Variants in EARS2 observed in about 807,000 individuals in gnomAD.
EARS2 encodes nondiscriminating glutamyl-tRNA synthetase EARS2, mitochondrial.
A neutral mutation model predicts 54.1 loss-of-function variants in EARS2; 50 were observed. That is an observed-to-expected ratio of 0.92 (90% CI 0.74 to 1.17). The LOEUF (loss-of-function observed/expected upper bound fraction) is 1.17, where lower values mean the gene tolerates loss of function less well. Among genes scored for constraint, EARS2 ranks in the 50% most tolerant of loss-of-function variants. EARS2 has a pLI of 0.00. For missense variants in EARS2, 673 were observed against 675.0 expected (o/e 1.00, Z 0.03); for synonymous variants, 298 against 281.0 (o/e 1.06, Z -0.61).
Position 23,557,298 on chromosome 16 carries a change from C to A in EARS2, c.46G>T (p.Ala16Ser). The A allele has an allele frequency of 6.6e-7, 1 of 1,516,714 alleles. No individual in the cohort carries two copies. Among genetic ancestry groups the A allele is most frequent in the Non-Finnish European group, 8.7e-7 (1 of 1,143,604 alleles). The allele number at this position is 1,516,714 out of a possible 1,614,324, so 94.0% of individuals were successfully genotyped here. A position where few individuals can be genotyped will look rare whatever the true frequency, so the allele number is the denominator to read the frequency against. Residue 16 changes from alanine (A) to serine (S), a missense_variant, in exon 1 of 9, where the codon GCG becomes TCG. Physicochemically the swap from Ala to Ser is moderately conservative, Grantham distance 99 (BLOSUM62 1). Around this residue, in one of 3 missense-constraint regions of EARS2, gnomAD observed 316 missense variants for 275.2 expected, o/e 1.15. Transcript: ENST00000449606. ...RRLLQRERPSAASGRPVGRRE... is the reference protein window; with the variant it reads ...RRLLQRERPSSASGRPVGRRE... Reference sequence around the variant, plus strand: ...CGTCCTACGGGGCGGCCAGAGGCCGCCGAAGGCCTCTCGCGCTGCAGCAGT... The same window carrying A: ...CGTCCTACGGGGCGGCCAGAGGCCGACGAAGGCCTCTCGCGCTGCAGCAGT...
At chr16:23,553,871 G>A (rs1347026629) in intron 1 of EARS2, among the ~76,000 whole-genome samples, 2 of 151,284 alleles carry the variant, frequency 1.3e-5, no homozygotes, top group Non-Finnish European at 2.9e-5. Context: ...ACTCCAGCCT[G>A]GGCGACAGGG....
intron 8 of EARS2, chr16:23,524,936 T>A: frequency 1.8e-6 from 1 of 560,452 alleles, no homozygotes. Context: ...TGAGCCACCG[T>A]GCCTGGCCTG....
chr16:23,539,055 G>A (rs1346300912), intron 3 of EARS2, among the ~76,000 whole-genome samples: 1 of 135,658 alleles, frequency 7.4e-6, no homozygotes, highest in African/African-American at 2.8e-5. Context: ...TCAGCTCACT[G>A]CAACCTCCAT....
chr16:23,555,059 G>A (rs1220376936), intron 1 of EARS2, among the ~76,000 whole-genome samples: 3 of 152,236 alleles, frequency 2.0e-5, no homozygotes, highest in Non-Finnish European at 1.5e-5. Context: ...TAGAGGCTGT[G>A]TATTAAGTGC....
At position 23,520,804 on chromosome 16, in the gene EARS2, G is replaced by T. The variant is rs1315758206; in HGVS notation, c.*3567C>A. Among the ~76,000 whole-genome samples the T allele has an allele frequency of 6.6e-6, 1 of 151,918 alleles. No homozygotes were observed. Among genetic ancestry groups the T allele is most frequent in the Non-Finnish European group, 1.5e-5 (1 of 68,020 alleles). On this transcript the variant is annotated 3_prime_UTR_variant, in exon 9 of 9. Transcript: ENST00000449606. ...AATTTCGCTTTTTTATTAATTTCTTGTTGAGACAGAGTGTCGCTCTGTTCC... is the reference window on the plus strand; with the variant it reads ...AATTTCGCTTTTTTATTAATTTCTTTTTGAGACAGAGTGTCGCTCTGTTCC...
chr16:23,522,761 G>T lies in EARS2; in HGVS notation c.*1610C>A, dbSNP rs1448342813. ...AAACGTTTACTATCTCACAGTTCAT[G>T]TGTGTCTGACGTTCCGGAGCAGCTT... On this transcript the variant is annotated 3_prime_UTR_variant, in exon 9 of 9. Coordinates refer to ENST00000449606, the MANE Select transcript of EARS2 (RefSeq NM_001083614.2). 6.6e-6 allele frequency: 1 copy of T among 152,154 alleles called. No individual in the cohort carries two copies. The highest frequency in any genetic ancestry group is 1.5e-5 in the Non-Finnish European group (1 of 68,042). The allele number at this position is 152,154 out of a possible 1,614,324, so 9.4% of individuals were successfully genotyped here.
chr16:23,522,692 T>C lies in EARS2; in HGVS notation c.*1679A>G, dbSNP rs1282311562. On this transcript the variant is annotated 3_prime_UTR_variant, in exon 9 of 9. Transcript: ENST00000449606. ...TGGACAAAATAAATATATTGTCTACTGCTGAAACGCAAATTATCCCCAAAC... is the reference window on the plus strand; with the variant it reads ...TGGACAAAATAAATATATTGTCTACCGCTGAAACGCAAATTATCCCCAAAC... 6.6e-6 allele frequency: 1 copy of C among 152,258 alleles called. No homozygotes were observed. Among genetic ancestry groups the C allele is most frequent in the East Asian group, 1.9e-4 (1 of 5,200 alleles). 9.4% of individuals were successfully genotyped at this position (152,258 alleles called of 1,614,324 possible). A position where few individuals can be genotyped will look rare whatever the true frequency, so the allele number is the denominator to read the frequency against.
At position 23,534,873 on chromosome 16, in the gene EARS2, C is replaced by A; in HGVS notation, c.958+15G>T. 1 of 1,552,410 alleles carries A rather than the reference C, an allele frequency of 6.4e-7. No homozygotes were observed. The highest frequency in any genetic ancestry group is 1.2e-5 in the South Asian group (1 of 80,508). ...CATGCTCTCTGCTGCCAGGACTATTCAGGTGGGCACGTACCTGCAAAACCT... is the reference window on the plus strand; with the variant it reads ...CATGCTCTCTGCTGCCAGGACTATTAAGGTGGGCACGTACCTGCAAAACCT... On this transcript the variant is annotated intron_variant, in intron 4 of 8. Coordinates refer to ENST00000449606, the MANE Select transcript of EARS2 (RefSeq NM_001083614.2).
At chr16:23,553,896 CAAA>C (rs546658609) in intron 1 of EARS2, among the ~76,000 whole-genome samples, 2 of 110,272 alleles carry the variant, frequency 1.8e-5, no homozygotes, top group East Asian at 2.5e-4. Flanking sequence ...ACTCCATCTC[CAAA>C]AAAAAAAAAA....
At position 23,544,805 on chromosome 16, in the gene EARS2, C is replaced by T. The variant is rs144985802; in HGVS notation, c.296-102G>A. 244 of 1,105,382 alleles carry T rather than the reference C, an allele frequency of 2.2e-4. No individual in the cohort carries two copies. The African/African-American group carries it at 2.6e-3, about 12-fold the overall frequency. The allele number at this position is 1,105,382 out of a possible 1,614,324, so 68.5% of individuals were successfully genotyped here. A position where few individuals can be genotyped will look rare whatever the true frequency, so the allele number is the denominator to read the frequency against. ...CATATTAAAGCTTTAATCCTCATAA[C>T]AATCCATGAGGTTGGCATTAGTACA... is the stretch of plus-strand genomic sequence containing the variant. On this transcript the variant is annotated intron_variant, in intron 2 of 8. Transcript: ENST00000449606.
intron 6 of EARS2, 54 bp from the exon 7 acceptor site, chr16:23,529,686 G>A (rs1965290864): frequency 1.2e-6 from 2 of 1,612,732 alleles, no homozygotes; most frequent in Non-Finnish European, 1.7e-6. Context: ...TGGAAGGCAG[G>A]AGGAATTGAG....
intron 7 of EARS2, among the ~76,000 whole-genome samples, chr16:23,526,970 A>AT (rs562446067): frequency 7.2e-5 from 10 of 138,850 alleles, no homozygotes; most frequent in East Asian, 2.1e-4. Context: ...ATAATTAATT[A>AT]TTTTTTTTTT....
chr16:23,531,580 CCTCT>C (rs1192519820), intron 5 of EARS2, among the ~76,000 whole-genome samples: 1 of 152,132 alleles, frequency 6.6e-6, no homozygotes, highest in East Asian at 1.9e-4. Flanking sequence ...AGTTTCTTAA[CCTCT>C]CTATGTCCTG....
At chr16:23,524,809 T>C (rs1180389011) in intron 8 of EARS2, among the ~76,000 whole-genome samples, 1 of 152,024 alleles carries the variant, frequency 6.6e-6, no homozygotes, top group African/African-American at 2.4e-5. Flanking sequence ...CACCCCCAGC[T>C]AATTTTTGTA....
At chr16:23,546,810 C>A (rs991496451) in intron 2 of EARS2, among the ~76,000 whole-genome samples, 1 of 152,224 alleles carries the variant, frequency 6.6e-6, no homozygotes, top group Non-Finnish European at 1.5e-5. Context: ...CCTCTTGCCT[C>A]GGCTTCCCAG....
At chr16:23,535,639 T>C (rs1053767070) in intron 3 of EARS2, among the ~76,000 whole-genome samples, 3 of 152,210 alleles carry the variant, frequency 2.0e-5, no homozygotes, top group African/African-American at 4.8e-5. Context: ...CTGATTGGTA[T>C]AGCCAATCTT....
At chr16:23,529,373 G>A in intron 7 of EARS2, 129 bp downstream of exon 7, 1 of 1,240,418 alleles carries the variant, frequency 8.1e-7, no homozygotes, top group Non-Finnish European at 1.1e-6. Flanking sequence ...AGCCAGTGAA[G>A]GGTCACTTCT....
At position 23,529,734 on chromosome 16, in the gene EARS2, G is replaced by A; in HGVS notation, c.1221+10C>T. The A allele has an allele frequency of 6.2e-7, 1 of 1,614,024 alleles. No homozygotes were observed. The highest frequency in any genetic ancestry group is 8.5e-7 in the Non-Finnish European group (1 of 1,179,938). ...CCCTCCCTCAGCTTCCCAGAATCCT[G>A]ACACCACACCTGTCTCAGCAGGAGG... On this transcript the variant is annotated intron_variant, in intron 6 of 8. Coordinates refer to ENST00000449606, the MANE Select transcript of EARS2 (RefSeq NM_001083614.2).
At chr16:23,546,629 A>G (rs897891870) in intron 2 of EARS2, among the ~76,000 whole-genome samples, 1 of 152,036 alleles carries the variant, frequency 6.6e-6, no homozygotes, top group African/African-American at 2.4e-5. Flanking sequence ...GTTCTCGGCT[A>G]ATTGAAGCCT....
Sources: allele counts gnomAD v4.1 joint callset (sites outside exome capture counted in the v4.1 genomes callset), GRCh38; gene constraint gnomAD v4.1.1; regional missense constraint gnomAD v4.1.1; transcripts MANE v1.5; gene names NCBI Gene and HGNC (gene_info 2026-07-23, HGNC 2026-07-21).